ASAP1: variants seen among roughly 807,000 people sequenced by gnomAD.
ASAP1 encodes the protein ArfGAP with SH3 domain, ankyrin repeat and PH domain 1, also known as arf-GAP with SH3 domain, ANK repeat and PH domain-containing protein 1.
Under a neutral mutation model 145.2 loss-of-function variants are expected in ASAP1, and 43 were observed. The ratio of observed to expected loss-of-function variants is 0.30; its 90% CI spans 0.23 to 0.38. ASAP1 has a LOEUF of 0.38. Among genes scored for constraint, ASAP1 ranks in the 10% least tolerant of loss-of-function variants. The probability of loss-of-function intolerance (pLI) is 1.00; values close to 1 mark genes in which losing one functional copy is unlikely to be tolerated. For missense variants in ASAP1, 1,018 were observed against 1,355.3 expected (o/e 0.75, Z 3.91); for synonymous variants, 546 against 515.5 (o/e 1.06, Z -0.80).
chr8:130,276,728 A>ACACACACTCTCTCTCTCTCTCTCT (rs548512902), intron 3 of ASAP1, among the ~76,000 whole-genome samples: 19 of 87,308 alleles, frequency 2.2e-4, no homozygotes, highest in South Asian at 1.8e-3. Flanking sequence ...ACACACACAC[A>ACACACACTCTCTCTCTCTCTCTCT]CTCTCTCTCT....
intron 3 of ASAP1, among the ~76,000 whole-genome samples, chr8:130,357,722 G>C (rs1030343153): frequency 2.0e-5 from 3 of 152,224 alleles, no homozygotes; most frequent in Non-Finnish European, 2.9e-5. Flanking sequence ...TGGAAGCGCC[G>C]AACAGTGCAT....
chr8:130,431,008 C>T (rs1009363297), intron 1 of ASAP1, among the ~76,000 whole-genome samples: 1 of 152,146 alleles, frequency 6.6e-6, no homozygotes, highest in Non-Finnish European at 1.5e-5. Flanking sequence ...GAACTGACCA[C>T]TCTAAGGGAC....
chr8:130,273,499 G>A (rs550723731), intron 3 of ASAP1, among the ~76,000 whole-genome samples: 3 of 152,302 alleles, frequency 2.0e-5, no homozygotes, highest in Admixed American at 1.3e-4. Context: ...TACACTGGCT[G>A]TGCATCAGAA....
rs371018530 is a variant in ASAP1 at position 130,116,713 on chromosome 8, C to T, written c.2029G>A (p.Ala677Thr). 6.2e-7 allele frequency: 1 copy of T among 1,613,918 alleles called. No homozygotes were observed. Among genetic ancestry groups the T allele is most frequent in the Non-Finnish European group, 8.5e-7 (1 of 1,179,982 alleles). ...NQAGETALDI[A>T]KRLKATQCED... Reference sequence around the variant, plus strand: ...CACTGGGTAGCTTTTAGTCTCTTTGCTATGTCTAGGGCAGTTTCTCCAGCC... The same window carrying T: ...CACTGGGTAGCTTTTAGTCTCTTTGTTATGTCTAGGGCAGTTTCTCCAGCC... The change falls in exon 22 of 30, where the codon GCA (alanine) becomes ACA (threonine). Residue 677 changes from alanine (A) to threonine (T), a missense_variant. Ala to Thr is a moderately conservative substitution (Grantham distance 58). This residue lies in a region of ASAP1 where 353 missense variants were observed against 375.4 expected (regional missense o/e 0.94). Transcript: ENST00000518721.
intron 5 of ASAP1, among the ~76,000 whole-genome samples, chr8:130,212,506 A>G (rs1034165547): frequency 3.3e-5 from 5 of 152,198 alleles, no homozygotes; most frequent in African/African-American, 1.2e-4. Context: ...TCAGAGACAG[A>G]ATGTTTGGGT....
intron 3 of ASAP1, among the ~76,000 whole-genome samples, chr8:130,337,370 C>T (rs1331012496): frequency 6.6e-6 from 1 of 152,180 alleles, no homozygotes; most frequent in Non-Finnish European, 1.5e-5. Flanking sequence ...CAACCACCTG[C>T]ATTTGATTCC....
chr8:130,297,958 A>G (rs1240687668), intron 3 of ASAP1, among the ~76,000 whole-genome samples: 3 of 152,198 alleles, frequency 2.0e-5, no homozygotes, highest in Non-Finnish European at 2.9e-5. Flanking sequence ...AAAGAATCAC[A>G]TAACTGGGAG....
intron 3 of ASAP1, among the ~76,000 whole-genome samples, chr8:130,256,412 G>A (rs1819519605): frequency 6.6e-6 from 1 of 151,036 alleles, no homozygotes; most frequent in African/African-American, 2.4e-5. Context: ...GGGGGGTGGG[G>A]GGCGGTGGGG....
intron 10 of ASAP1, among the ~76,000 whole-genome samples, chr8:130,168,464 G>T (rs1173615896): frequency 6.6e-6 from 1 of 152,152 alleles, no homozygotes; most frequent in East Asian, 1.9e-4. Context: ...GGGCAACACA[G>T]TGAAACCCCA....
At chr8:130,283,140 G>A (rs1000723854) in intron 3 of ASAP1, among the ~76,000 whole-genome samples, 1 of 152,206 alleles carries the variant, frequency 6.6e-6, no homozygotes, top group Non-Finnish European at 1.5e-5. Flanking sequence ...TACGTTGTGA[G>A]CTCTGCAGTA....
intron 3 of ASAP1, among the ~76,000 whole-genome samples, chr8:130,300,306 TCAAAC>T (rs1339269861): frequency 1.3e-5 from 2 of 152,128 alleles, no homozygotes; most frequent in African/African-American, 4.8e-5. Context: ...TAATTTAAAA[TCAAAC>T]CAAACAAGAC....
At position 130,123,994 on chromosome 8, in the gene ASAP1, A is replaced by T; in HGVS notation, c.1607+19T>A. 6.4e-7 allele frequency: 1 copy of T among 1,570,222 alleles called. No individual in the cohort carries two copies. Among genetic ancestry groups the T allele is most frequent in the Non-Finnish European group, 8.7e-7 (1 of 1,146,856 alleles). ...TTATAGAATGGTTTAAAAAAGTTCA[A>T]TATATCAGAAATACTTACATATCAC... is the stretch of plus-strand genomic sequence containing the variant. On this transcript the variant is annotated intron_variant, in intron 18 of 29. Transcript: ENST00000518721.
At chr8:130,203,889 A>T (rs1178350027) in intron 5 of ASAP1, among the ~76,000 whole-genome samples, 1 of 152,248 alleles carries the variant, frequency 6.6e-6, no homozygotes, top group Non-Finnish European at 1.5e-5. Flanking sequence ...TCTTTGTAAC[A>T]TCATTGTCTA....
intron 3 of ASAP1, among the ~76,000 whole-genome samples, chr8:130,351,448 A>C (rs1295230544): frequency 6.6e-6 from 1 of 152,206 alleles, no homozygotes; most frequent in Non-Finnish European, 1.5e-5. Context: ...TATATATATA[A>C]GGTGTGTTAG....
intron 2 of ASAP1, among the ~76,000 whole-genome samples, chr8:130,370,322 CAAAA>C (rs1053630522): frequency 1.3e-5 from 2 of 151,818 alleles, no homozygotes; most frequent in African/African-American, 4.8e-5. Context: ...AACAAACAAA[CAAAA>C]AAAACAGAGA....
chr8:130,437,278 C>T (rs1156275819), intron 1 of ASAP1, among the ~76,000 whole-genome samples: 1 of 152,184 alleles, frequency 6.6e-6, no homozygotes, highest in Non-Finnish European at 1.5e-5. Context: ...AACATAGAGT[C>T]CCAGTTCCCA....
intron 29 of ASAP1, among the ~76,000 whole-genome samples, chr8:130,055,654 T>C (rs1003995051): frequency 6.6e-6 from 1 of 152,262 alleles, no homozygotes; most frequent in Non-Finnish European, 1.5e-5. Flanking sequence ...GTCTGCTGCA[T>C]TGGCCTGTAA....
In ASAP1 at chr8:130,124,097, T is replaced by G; in HGVS notation, c.1523A>C (p.Lys508Thr). 6.2e-7 allele frequency: 1 copy of G among 1,602,510 alleles called. No individual in the cohort carries two copies. Among genetic ancestry groups the G allele is most frequent in the Non-Finnish European group, 8.5e-7 (1 of 1,176,916 alleles). ...ATTAAAACTATTGTTTCCTACATTC[T>G]TGGCCAGCTGTAACAGAAAAAACAA... ...KLGTSELLLA[K>T]NVGNNSFNDI... Residue 508 changes from lysine (K) to threonine (T), a missense_variant, in exon 18 of 30, where the codon AAG (lysine) becomes ACG (threonine). Physicochemically the swap from Lys to Thr is moderately conservative, Grantham distance 78 (BLOSUM62 -1). This residue lies in a region of ASAP1 where 153 missense variants were observed against 221.6 expected (regional missense o/e 0.69). Coordinates refer to ENST00000518721, the MANE Select transcript of ASAP1 (RefSeq NM_018482.4).
chr8:130,419,955 C>CT (rs565548652), intron 1 of ASAP1, among the ~76,000 whole-genome samples: 2,673 of 130,790 alleles, frequency 0.02, 74 homozygotes, highest in African/African-American at 0.059. Flanking sequence ...CCTTCTTCTT[C>CT]TTTTTTTTTT....
Sources: gnomAD v4.1 joint callset for allele counts (sites outside exome capture counted in the v4.1 genomes callset) on GRCh38, gnomAD v4.1.1 for gene constraint, gnomAD v4.1.1 regional missense constraint, MANE v1.5 for transcripts, NCBI Gene and HGNC (gene_info 2026-07-23, HGNC 2026-07-21) for gene names.